Variants in HPS1 observed in about 807,000 individuals in gnomAD.
HPS1 encodes the protein BLOC-3 complex member HPS1.
In HPS1, 59 loss-of-function variants were observed where a neutral mutation model predicts 90.6. That is an observed-to-expected ratio of 0.65 (90% confidence interval 0.53 to 0.81). The LOEUF (loss-of-function observed/expected upper bound fraction) is 0.81, where lower values mean the gene tolerates loss of function less well. HPS1 is among the 30% of genes least tolerant of loss of function. The pLI is 0.00. For synonymous variants in HPS1, 388 were observed against 384.4 expected (o/e 1.01, Z -0.11); for missense variants, 849 against 896.7 (o/e 0.95, Z 0.68).
At chr10:98,444,914 G>C (rs1480088224) in intron 2 of HPS1, among the ~76,000 whole-genome samples, 1 of 152,196 alleles carries the variant, frequency 6.6e-6, no homozygotes, top group African/African-American at 2.4e-5. Flanking sequence ...AGAGTGTATG[G>C]GTTAGGGAGC....
chr10:98,436,825 C>T (rs1847405189), intron 3 of HPS1, among the ~76,000 whole-genome samples: 1 of 152,180 alleles, frequency 6.6e-6, no homozygotes, highest in Non-Finnish European at 1.5e-5. Flanking sequence ...TGAGTAAGAC[C>T]TTGCCTTGAA....
chr10:98,424,031 G>C, intron 14 of HPS1, 144 bp from the exon 15 acceptor site: 1 of 1,115,726 alleles, frequency 9.0e-7, no homozygotes, highest in East Asian at 2.5e-5. Context: ...TTGTACCCAG[G>C]ACAGACCAAC....
chr10:98,440,603 T>G (rs1486901867), intron 3 of HPS1, among the ~76,000 whole-genome samples: 1 of 152,052 alleles, frequency 6.6e-6, no homozygotes, highest in African/African-American at 2.4e-5. Flanking sequence ...GAAAGTATAT[T>G]AAAAAGCTAA....
chr10:98,415,259 C>T (rs930107541), downstream of HPS1: 71 of 1,279,804 alleles, frequency 5.5e-5, no homozygotes, highest in Non-Finnish European at 1.2e-5. Context: ...CCCCTCCAGG[C>T]CCCCTCCACC....
At position 98,435,225 on chromosome 10, in the gene HPS1, C is replaced by A. The variant is rs529679107; in HGVS notation, c.398+47G>T. The A allele has an allele frequency of 6.2e-7, 1 of 1,612,722 alleles. No homozygotes were observed. Among genetic ancestry groups the A allele is most frequent in the Admixed American group, 1.7e-5 (1 of 60,022 alleles). On this transcript the variant is annotated intron_variant, in intron 5 of 19. Transcript: ENST00000361490. This position sits in a 1 kb window ranked among gnomAD's most constrained non-coding sequence, Gnocchi z 4.3. ...GCTGGGCACACGCTGCCTGGCCCAGCGAGGGTGCTCGGCAAAGGACAGAGG... is the reference window on the plus strand; with the variant it reads ...GCTGGGCACACGCTGCCTGGCCCAGAGAGGGTGCTCGGCAAAGGACAGAGG...
intron 3 of HPS1, among the ~76,000 whole-genome samples, chr10:98,439,436 C>T (rs1168991980): frequency 6.6e-6 from 1 of 152,190 alleles, no homozygotes; most frequent in Non-Finnish European, 1.5e-5. Context: ...TCAGTGTGAC[C>T]TGGACGTGGA....
chr10:98,427,473 G>A (rs536908416), intron 10 of HPS1, among the ~76,000 whole-genome samples: 129 of 152,310 alleles, frequency 8.5e-4, no homozygotes, highest in Non-Finnish European at 1.4e-3. Flanking sequence ...GGGCTAAGGC[G>A]GCCTGGGCCT....
Position 98,435,127 on chromosome 10 carries a change from G to A in HPS1, c.398+145C>T, listed in dbSNP as rs112463509. ...AGGGTCAGACCAGATGGTCTCCAAG[G>A]TTCACTTGAGCTGTTTCTCTGACCT... On this transcript the variant is annotated intron_variant, in intron 5 of 19. Coordinates refer to ENST00000361490, the MANE Select transcript of HPS1 (RefSeq NM_000195.5). This position sits in a 1 kb window ranked among gnomAD's most constrained non-coding sequence, Gnocchi z 4.3. 4.5e-6 allele frequency: 4 copies of A among 884,392 alleles called. No individual in the cohort carries two copies. In the African/African-American group the frequency reaches 5.0e-5, roughly 11 times the overall value. The allele number at this position is 884,392 out of a possible 1,614,324, so 54.8% of individuals were successfully genotyped here.
Position 98,445,567 on chromosome 10 carries a change from C to T in HPS1, c.-105-163G>A, listed in dbSNP as rs1313826672. ...ACATATCTGGGATCCTGCCCCTCAC[C>T]TCCCATAATGGAGAATAGGAACCCG... On this transcript the variant is annotated intron_variant, in intron 1 of 19. Transcript: ENST00000361490. The surrounding 1 kb of genome is among the most constrained non-coding windows in gnomAD (Gnocchi z 4.5). 6.6e-6 allele frequency among the ~76,000 whole-genome samples: 1 copy of T among 152,158 alleles called. No homozygotes were observed. The highest frequency in any genetic ancestry group is 1.5e-5 in the Non-Finnish European group (1 of 68,032).
intron 18 of HPS1, among the ~76,000 whole-genome samples, chr10:98,418,975 C>G (rs1844481585): frequency 6.6e-6 from 1 of 152,240 alleles, no homozygotes; most frequent in South Asian, 2.1e-4. Context: ...AGCTGGGAGC[C>G]TGCAGGCCGG....
intron 18 of HPS1, among the ~76,000 whole-genome samples, chr10:98,418,686 T>A (rs553976070): frequency 6.6e-6 from 1 of 152,238 alleles, no homozygotes; most frequent in Non-Finnish European, 1.5e-5. Flanking sequence ...GGCATGAACA[T>A]GGCACTTAGC....
At position 98,425,501 on chromosome 10, in the gene HPS1, C is replaced by A. The variant is rs1393602945; in HGVS notation, c.1335+40G>T. The A allele has an allele frequency of 2.5e-6, 4 of 1,576,048 alleles. No individual in the cohort carries two copies. The African/African-American group carries it at 4.0e-5, about 16-fold the overall frequency. Reference sequence around the variant, plus strand: ...CGGATGTACCCTGCTGCCAGCCCTGCCTCTTCCCCAGGTGGGGAGGACTGG... The same window carrying A: ...CGGATGTACCCTGCTGCCAGCCCTGACTCTTCCCCAGGTGGGGAGGACTGG... On this transcript the variant is annotated intron_variant, in intron 13 of 19. Coordinates refer to ENST00000361490, the MANE Select transcript of HPS1 (RefSeq NM_000195.5).
At chr10:98,424,236 G>T (rs1454230206) in intron 14 of HPS1, 77 bp downstream of exon 14, 3 of 1,023,020 alleles carry the variant, frequency 2.9e-6, no homozygotes, top group Non-Finnish European at 4.6e-6. Context: ...AAGGGCAGTG[G>T]TGGAGGAGAT....
At chr10:98,426,472 C>G (rs920243095) in intron 11 of HPS1, among the ~76,000 whole-genome samples, 1 of 152,180 alleles carries the variant, frequency 6.6e-6, no homozygotes, top group Non-Finnish European at 1.5e-5. Flanking sequence ...AGCAAGAAAG[C>G]CTTTAGTGCA....
At position 98,417,973 on chromosome 10, in the gene HPS1, C is replaced by A. The variant is rs1844322140; in HGVS notation, c.1940+202G>T. Among the ~76,000 whole-genome samples, 1 of 152,152 alleles carries A rather than the reference C, an allele frequency of 6.6e-6. No homozygotes were observed. The highest frequency in any genetic ancestry group is 2.4e-5 in the African/African-American group (1 of 41,432). ...CCCCGTGCTGCCAAGACCATGCCAG[C>A]AGGAAGGTGGTAGGAACACAGATGT... On this transcript the variant is annotated intron_variant, in intron 19 of 19. Coordinates refer to ENST00000361490, the MANE Select transcript of HPS1 (RefSeq NM_000195.5). This position sits in a 1 kb window ranked among gnomAD's most constrained non-coding sequence, Gnocchi z 4.2.
Position 98,431,271 on chromosome 10 carries a change from G to A in HPS1, c.528C>T (p.His176=). ...FAVEALERLI[H]PQLCELCIEA... ...CTATGCACAGCTCACAGAGCTGGGG[G>A]TGAATCAGTCGCTCCAGGGCCTAGC... is the stretch of plus-strand genomic sequence containing the variant. The change falls in exon 7 of 20, where the codon CAC becomes CAT. Residue 176 remains histidine, a synonymous_variant. Coordinates refer to ENST00000361490, the MANE Select transcript of HPS1 (RefSeq NM_000195.5). The A allele has an allele frequency of 6.2e-7, 1 of 1,613,866 alleles. No homozygotes were observed. The highest frequency in any genetic ancestry group is 8.5e-7 in the Non-Finnish European group (1 of 1,180,036).
At chr10:98,423,996 T>A in intron 14 of HPS1, 109 bp from the exon 15 acceptor site, 1 of 1,441,650 alleles carries the variant, frequency 6.9e-7, no homozygotes, top group South Asian at 1.2e-5. Context: ...TGGGGAGCCC[T>A]TCCCCCTTGT....
At chr10:98,439,960 A>G (rs779656400) in intron 3 of HPS1, among the ~76,000 whole-genome samples, 5 of 152,034 alleles carry the variant, frequency 3.3e-5, no homozygotes. Context: ...TGGTTTTATA[A>G]GAGGCTCTTT....
chr10:98,444,731 C>T (rs1939163058), intron 2 of HPS1, among the ~76,000 whole-genome samples: 1 of 152,190 alleles, frequency 6.6e-6, no homozygotes, highest in Non-Finnish European at 1.5e-5. Context: ...ATGGCAAATG[C>T]CAGGAGACAT....
Sources: gnomAD v4.1 joint callset for allele counts (sites outside exome capture counted in the v4.1 genomes callset) on GRCh38, gnomAD v4.1.1 for gene constraint, Gnocchi (gnomAD v3.1) non-coding constraint, MANE v1.5 for transcripts, NCBI Gene and HGNC (gene_info 2026-07-23, HGNC 2026-07-21) for gene names.